Variants in EPHA7 observed in about 807,000 individuals in gnomAD.
The protein encoded by EPHA7 is EPH receptor A7.
Under a neutral mutation model 112.6 loss-of-function variants are expected in EPHA7, and 25 were observed. The observed-to-expected ratio is 0.22, with a 90% CI of 0.16 to 0.31. The LOEUF is 0.31. Ranked by LOEUF, EPHA7 falls within the 10% of genes least tolerant of loss-of-function variation. The pLI is 1.00. For missense variants in EPHA7, 962 were observed against 1,212.6 expected (o/e 0.79, Z 3.07); for synonymous variants, 437 against 406.5 (o/e 1.07, Z -0.90).
rs141471842 is a variant in EPHA7, at chr6:93,312,358, A to G, written c.1325-39936T>C. Among the ~76,000 whole-genome samples the G allele has an allele frequency of 3.6e-4, 55 of 152,204 alleles. No homozygotes were observed. The East Asian group carries it at 9.7e-3, about 27-fold the overall frequency. On this transcript the variant is annotated intron_variant, in intron 5 of 16. Transcript: ENST00000369303. The stretch of plus-strand genomic sequence containing the variant: ...TTTTAGATAGCTAGCTGTAGTTTCT[A>G]TATCAACACTTGCTTCATCTTGCAC...
At chr6:93,262,910 T>C (rs1240896008) in intron 9 of EPHA7, among the ~76,000 whole-genome samples, 1 of 151,260 alleles carries the variant, frequency 6.6e-6, no homozygotes, top group African/African-American at 2.4e-5. Context: ...CTTATGACTT[T>C]AGGATGGGTA....
intron 10 of EPHA7, 150 bp from the exon 11 acceptor site, chr6:93,258,434 G>T: frequency 1.2e-6 from 1 of 810,554 alleles, no homozygotes; most frequent in Non-Finnish European, 1.9e-6. Flanking sequence ...GTAAAGCCCT[G>T]TGAGTTACAC....
At chr6:93,371,252 TATTTG>T (rs1776781572) in intron 3 of EPHA7, among the ~76,000 whole-genome samples, 2 of 123,920 alleles carry the variant, frequency 1.6e-5, no homozygotes, top group African/African-American at 5.3e-5. Context: ...GGATAATAAA[TATTTG>T]GGGAAAAAAA....
At chr6:93,302,946 CA>C (rs1773065381) in intron 5 of EPHA7, among the ~76,000 whole-genome samples, 1 of 152,060 alleles carries the variant, frequency 6.6e-6, no homozygotes, top group South Asian at 2.1e-4. Context: ...CACATGCTGT[CA>C]AAAGTTAGCT....
chr6:93,360,534 T>G (rs1029387951), intron 3 of EPHA7, among the ~76,000 whole-genome samples: 1 of 152,102 alleles, frequency 6.6e-6, no homozygotes, highest in Admixed American at 6.6e-5. Context: ...GGCAACACGA[T>G]TTAACATTTC....
At chr6:93,392,148 T>C (rs1326907336) in intron 3 of EPHA7, among the ~76,000 whole-genome samples, 3 of 151,978 alleles carry the variant, frequency 2.0e-5, no homozygotes, top group Non-Finnish European at 2.9e-5. Context: ...GCCACAGCTA[T>C]GCTGACAAAG....
chr6:93,401,043 GTAAGTC>G (rs1278923248), intron 3 of EPHA7, among the ~76,000 whole-genome samples: 2 of 152,002 alleles, frequency 1.3e-5, no homozygotes, highest in East Asian at 3.9e-4. Flanking sequence ...TGGGTTCAGG[GTAAGTC>G]TGAGGCTACC....
At chr6:93,279,472 A>C (rs1562063929) in intron 5 of EPHA7, among the ~76,000 whole-genome samples, 1 of 152,146 alleles carries the variant, frequency 6.6e-6, no homozygotes, top group Admixed American at 6.5e-5. Context: ...TAATCCTATA[A>C]GAAGAGTAAA....
intron 5 of EPHA7, among the ~76,000 whole-genome samples, chr6:93,339,299 T>C (rs771549870): frequency 1.3e-4 from 20 of 151,718 alleles, no homozygotes; most frequent in Non-Finnish European, 2.4e-4. Context: ...TATTATTCTT[T>C]TGTAGTCCCG....
At chr6:93,312,250 A>T (rs1394862442) in intron 5 of EPHA7, among the ~76,000 whole-genome samples, 1 of 151,850 alleles carries the variant, frequency 6.6e-6, no homozygotes, top group Non-Finnish European at 1.5e-5. Flanking sequence ...AGATGGCATC[A>T]TTTTCCAATA....
At chr6:93,351,988 G>C (rs1009921618) in intron 5 of EPHA7, among the ~76,000 whole-genome samples, 3 of 152,044 alleles carry the variant, frequency 2.0e-5, no homozygotes, top group African/African-American at 7.2e-5. Flanking sequence ...ATGTAATTAT[G>C]TCATCTAATA....
In EPHA7 at chr6:93,417,859, A is replaced by G. The variant is rs116906421; in HGVS notation, c.97+1386T>C. 7.2e-3 allele frequency among the ~76,000 whole-genome samples: 1,102 copies of G among 152,086 alleles called. 4 individuals carry two copies. The highest frequency in any genetic ancestry group is 0.011 in the Non-Finnish European group (723 of 67,994). The stretch of plus-strand genomic sequence containing the variant: ...GCATCTATACAGGTTGCAGATGTGG[A>G]AAGTGGGGTCAGAAGGTCAGGCTGA... On this transcript the variant is annotated intron_variant, in intron 1 of 16. Coordinates refer to ENST00000369303, the MANE Select transcript of EPHA7 (RefSeq NM_004440.4).
intron 10 of EPHA7, among the ~76,000 whole-genome samples, chr6:93,258,575 A>C (rs1303749563): frequency 9.0e-6 from 1 of 111,432 alleles, no homozygotes; most frequent in African/African-American, 2.9e-5. Context: ...CGCTTTCCTA[A>C]ACTGTTAAAC....
intron 11 of EPHA7, 67 bp from the exon 12 acceptor site, chr6:93,257,590 C>A: frequency 9.7e-7 from 1 of 1,028,606 alleles, no homozygotes; most frequent in African/African-American, 1.6e-5. Flanking sequence ...CTTTCTCATC[C>A]CCCAATAAAA....
At chr6:93,346,837 G>A (rs1217530534) in intron 5 of EPHA7, among the ~76,000 whole-genome samples, 1 of 151,490 alleles carries the variant, frequency 6.6e-6, no homozygotes, top group African/African-American at 2.4e-5. Flanking sequence ...TATTATTTTA[G>A]TAGATGAATA....
rs867257468 is a variant in EPHA7 at position 93,400,968 on chromosome 6, A to G, written c.832+9533T>C. The stretch of plus-strand genomic sequence containing the variant: ...AGATTGATATTATGCTTTATTCATA[A>G]AAGCATCACAGTGATCTCTTCTCCA... On this transcript the variant is annotated intron_variant, in intron 3 of 16. Transcript: ENST00000369303. Among the ~76,000 whole-genome samples the G allele has an allele frequency of 3.3e-5, 5 of 152,264 alleles. No homozygotes were observed. The South Asian group carries it at 1.0e-3, about 31-fold the overall frequency.
intron 3 of EPHA7, among the ~76,000 whole-genome samples, chr6:93,398,428 C>T (rs1778283104): frequency 6.6e-6 from 1 of 151,776 alleles, no homozygotes; most frequent in African/African-American, 2.4e-5. Context: ...ATAAAAAAGG[C>T]CAGAATTCAA....
chr6:93,294,569 G>A (rs917194011), intron 5 of EPHA7, among the ~76,000 whole-genome samples: 2 of 151,936 alleles, frequency 1.3e-5, no homozygotes, highest in African/African-American at 2.4e-5. Context: ...CATATGTCTA[G>A]TTTTTCTTTT....
chr6:93,289,795 C>T (rs971463857), intron 5 of EPHA7, among the ~76,000 whole-genome samples: 1 of 152,064 alleles, frequency 6.6e-6, no homozygotes, highest in Admixed American at 6.5e-5. Flanking sequence ...CATATAAAAT[C>T]ATTGGTTACA....
Sources: allele counts gnomAD v4.1 joint callset (sites outside exome capture counted in the v4.1 genomes callset), GRCh38; gene constraint gnomAD v4.1.1; transcripts MANE v1.5; gene names NCBI Gene and HGNC (gene_info 2026-07-23, HGNC 2026-07-21).